Variants in XYLB observed in about 807,000 individuals in gnomAD.
The protein encoded by XYLB is xylulose kinase.
In XYLB, 62 loss-of-function variants were observed where a neutral mutation model predicts 78.7. That is an observed-to-expected ratio of 0.79 (90% confidence interval 0.64 to 0.97). XYLB has a LOEUF of 0.97. Among genes scored for constraint, XYLB ranks in the 50% least tolerant of loss-of-function variants. XYLB has a pLI of 0.00. For missense variants in XYLB, 687 were observed against 676.8 expected, an observed-to-expected ratio of 1.02 and a Z score of -0.17; for synonymous variants, 245 against 247.4, an observed-to-expected ratio of 0.99 and a Z score of 0.09.
At chr3:38,379,452 A>C (rs1439096508) in intron 15 of XYLB, 110 bp downstream of exon 15, 2 of 1,062,864 alleles carry the variant, frequency 1.9e-6, no homozygotes, top group African/African-American at 3.1e-5. Flanking sequence ...TTACAGGGGG[A>C]CTTGTGCAGG....
intron 15 of XYLB, among the ~76,000 whole-genome samples, chr3:38,386,489 G>T (rs1707387564): frequency 6.6e-6 from 1 of 151,718 alleles, no homozygotes. Context: ...TTTACAAAAT[G>T]GATTACATAT....
At chr3:38,382,305 G>A (rs1707185593) in intron 15 of XYLB, among the ~76,000 whole-genome samples, 1 of 151,974 alleles carries the variant, frequency 6.6e-6, no homozygotes. Context: ...ATGAGACCCT[G>A]TCTCAAAAAA....
At chr3:38,366,690 A>G (rs1037780263) in intron 6 of XYLB, 118 bp from the exon 7 acceptor site, 3 of 688,922 alleles carry the variant, frequency 4.4e-6, no homozygotes, top group Non-Finnish European at 5.0e-6. Context: ...GCTTACTTTT[A>G]AAAGCTTTTA....
At chr3:38,389,516 G>A (rs1707553921) in intron 15 of XYLB, among the ~76,000 whole-genome samples, 1 of 152,312 alleles carries the variant, frequency 6.6e-6, no homozygotes, top group Non-Finnish European at 1.5e-5. Flanking sequence ...TCCCAGAAGG[G>A]GCGGCCGGGC....
chr3:38,358,383 C>T (rs1401318828), intron 2 of XYLB, among the ~76,000 whole-genome samples: 7 of 134,890 alleles, frequency 5.2e-5, no homozygotes, highest in Non-Finnish European at 9.5e-5. Flanking sequence ...TGCTCTGTTG[C>T]ACCCAGGCTG....
At chr3:38,373,749 TC>T (rs1706697697) in intron 10 of XYLB, among the ~76,000 whole-genome samples, 1 of 152,242 alleles carries the variant, frequency 6.6e-6, no homozygotes, top group African/African-American at 2.4e-5. Context: ...TGTTCCTCAC[TC>T]CCATTTCACC....
intron 7 of XYLB, 106 bp downstream of exon 7, chr3:38,366,979 G>C: frequency 4.1e-6 from 3 of 729,356 alleles, no homozygotes. Context: ...TTGATAAGCA[G>C]ACATTAACAA....
chr3:38,412,214 C>T (rs1708624116), intron 18 of XYLB, among the ~76,000 whole-genome samples: 1 of 152,152 alleles, frequency 6.6e-6, no homozygotes, highest in Non-Finnish European at 1.5e-5. Flanking sequence ...TGGTCTCAAA[C>T]TCCTGGCCTC....
At chr3:38,359,211 G>A (rs1327815104) in intron 2 of XYLB, among the ~76,000 whole-genome samples, 2 of 152,252 alleles carry the variant, frequency 1.3e-5, no homozygotes, top group Non-Finnish European at 2.9e-5. Context: ...AGAGAAACAG[G>A]CTGTGGCTGA....
chr3:38,373,888 G>A lies in XYLB; in HGVS notation c.848-574G>A, dbSNP rs1404160070. The stretch of plus-strand genomic sequence containing the variant: ...GCTGTTGTGAGCCATGTGTGGTAGT[G>A]TGCACCTGTAGTCTTAGCTACTTGG... On this transcript the variant is annotated intron_variant, in intron 10 of 18. Transcript: ENST00000207870. Among the ~76,000 whole-genome samples, 3 of 152,138 alleles carry A rather than the reference G, an allele frequency of 2.0e-5. 1 individual carries two copies. The highest frequency in any genetic ancestry group is 2.9e-5 in the Non-Finnish European group (2 of 68,024).
the XYLB span, among the ~76,000 whole-genome samples, chr3:38,444,829 G>T: frequency 2.0e-5 from 3 of 149,118 alleles, no homozygotes; most frequent in African/African-American, 4.9e-5. Context: ...CCAAGAATCT[G>T]CAATGGTCCC....
At chr3:38,384,893 T>C (rs1236627766) in intron 15 of XYLB, among the ~76,000 whole-genome samples, 1 of 152,250 alleles carries the variant, frequency 6.6e-6, no homozygotes, top group African/African-American at 2.4e-5. Flanking sequence ...CATAACAGTA[T>C]GTACAGGTCT....
At chr3:38,401,557 C>T (rs562657169) in intron 18 of XYLB, among the ~76,000 whole-genome samples, 3 of 152,228 alleles carry the variant, frequency 2.0e-5, no homozygotes, top group Non-Finnish European at 2.9e-5. Context: ...AATGCAATTT[C>T]TGGAGCCTAA....
At chr3:38,390,537 G>C (rs1274655931) in intron 15 of XYLB, among the ~76,000 whole-genome samples, 1 of 151,988 alleles carries the variant, frequency 6.6e-6, no homozygotes, top group African/African-American at 2.4e-5. Context: ...TGGAGACAAA[G>C]TCTGGCTTTG....
At chr3:38,428,916 A>G in the XYLB span, among the ~76,000 whole-genome samples, 2 of 151,964 alleles carry the variant, frequency 1.3e-5, no homozygotes, top group African/African-American at 4.8e-5. Context: ...GATCTCTGTG[A>G]TGGATAATGT....
chr3:38,358,145 A>T (rs974988578), intron 2 of XYLB, among the ~76,000 whole-genome samples: 4 of 137,418 alleles, frequency 2.9e-5, no homozygotes, highest in African/African-American at 1.1e-4. Context: ...TAATTGGAAA[A>T]ATTTTCCTTC....
Position 38,374,486 on chromosome 3 carries a change from A to G in XYLB, c.872A>G (p.Glu291Gly). 1 of 1,613,480 alleles carries G rather than the reference A, an allele frequency of 6.2e-7. No homozygotes were observed. Among genetic ancestry groups the G allele is most frequent in the Non-Finnish European group, 8.5e-7 (1 of 1,179,712 alleles). The stretch of plus-strand genomic sequence containing the variant: ...GCGTCGCTGGCAGGCATGAGACTGG[A>G]GGAAGGTGACATTGCGGTAAGGCGA... ...NPASLAGMRL[E>G]EGDIAVSLGT... Residue 291 changes from glutamate to glycine, a missense_variant, in exon 11 of 19, where the codon GAG (glutamate) becomes GGG (glycine). Coordinates refer to ENST00000207870, the MANE Select transcript of XYLB (RefSeq NM_005108.4).
At chr3:38,384,480 C>A (rs545571217) in intron 15 of XYLB, among the ~76,000 whole-genome samples, 1 of 152,168 alleles carries the variant, frequency 6.6e-6, no homozygotes, top group Non-Finnish European at 1.5e-5. Flanking sequence ...TCACGGCCAG[C>A]GATGAAGATG....
intron 15 of XYLB, among the ~76,000 whole-genome samples, chr3:38,386,631 T>C (rs1159957823): frequency 1.3e-5 from 2 of 152,224 alleles, no homozygotes; most frequent in Non-Finnish European, 2.9e-5. Flanking sequence ...TTTTAAGGTA[T>C]ACACTTTTTA....
Sources: allele counts gnomAD v4.1 joint callset (sites outside exome capture counted in the v4.1 genomes callset), GRCh38; gene constraint gnomAD v4.1.1; transcripts MANE v1.5; gene names NCBI Gene and HGNC (gene_info 2026-07-23, HGNC 2026-07-21).